The following UGT2A1 variants were observed in gnomAD, a reference collection of about 807,000 sequenced individuals.
UGT2A1 encodes UDP-glucuronosyltransferase 2A1.
Under a neutral mutation model 45.4 loss-of-function variants are expected in UGT2A1, and 61 were observed. The ratio of observed to expected loss-of-function variants is 1.34; its 90% CI spans 1.09 to 1.66. The LOEUF is 1.66. Among genes scored for constraint, UGT2A1 ranks in the 40% most tolerant of loss-of-function variants. The probability of loss-of-function intolerance (pLI) is 0.00; values close to 1 mark genes in which losing one functional copy is unlikely to be tolerated. For missense variants in UGT2A1, 649 were observed against 574.3 expected (o/e 1.13, Z -1.33); for synonymous variants, 229 against 196.2 (o/e 1.17, Z -1.40).
At chr4:69,637,365 A>C (rs1472727699) in intron 2 of UGT2A1, among the ~76,000 whole-genome samples, 1 of 152,158 alleles carries the variant, frequency 6.6e-6, no homozygotes, top group African/African-American at 2.4e-5. Flanking sequence ...AAATTATTGC[A>C]AGAGTTTTGC....
intron 2 of UGT2A1, among the ~76,000 whole-genome samples, chr4:69,638,011 G>A (rs1721816169): frequency 6.7e-6 from 1 of 148,546 alleles, no homozygotes; most frequent in Non-Finnish European, 1.5e-5. Flanking sequence ...AAGGAAGGAA[G>A]GAAGGAAGGA....
At chr4:69,604,889 C>T (rs1420320879) in intron 3 of UGT2A1, among the ~76,000 whole-genome samples, 1 of 136,722 alleles carries the variant, frequency 7.3e-6, no homozygotes, top group East Asian at 2.1e-4. Context: ...AATATATATG[C>T]ACCCAATACA....
chr4:69,629,931 TATC>T (rs1721293117), intron 3 of UGT2A1, among the ~76,000 whole-genome samples: 2 of 152,078 alleles, frequency 1.3e-5, no homozygotes. Flanking sequence ...AAATGTATAT[TATC>T]ATTGCAATAG....
intron 3 of UGT2A1, among the ~76,000 whole-genome samples, chr4:69,614,327 G>GA (rs1720244326): frequency 6.6e-6 from 1 of 151,806 alleles, no homozygotes; most frequent in African/African-American, 2.4e-5. Flanking sequence ...GAACAGGACA[G>GA]AAAAAAATGA....
chr4:69,628,725 G>T (rs992626950), intron 3 of UGT2A1, among the ~76,000 whole-genome samples: 2 of 146,616 alleles, frequency 1.4e-5, no homozygotes, highest in Non-Finnish European at 3.0e-5. Flanking sequence ...ATATATGAAT[G>T]ATCTAGAATG....
chr4:69,643,032 T>A (rs1048071166), intron 2 of UGT2A1, among the ~76,000 whole-genome samples: 5 of 151,528 alleles, frequency 3.3e-5, no homozygotes, highest in Non-Finnish European at 7.4e-5. Context: ...AGGTATACAT[T>A]CGAAACTGTG....
intron 3 of UGT2A1, among the ~76,000 whole-genome samples, chr4:69,633,912 A>G (rs924817977): frequency 6.6e-6 from 1 of 152,088 alleles, no homozygotes; most frequent in African/African-American, 2.4e-5. Context: ...AATGAGCTAT[A>G]AAGTTTAGGA....
chr4:69,632,346 A>G (rs190616677), intron 3 of UGT2A1, among the ~76,000 whole-genome samples: 1 of 152,254 alleles, frequency 6.6e-6, no homozygotes, highest in East Asian at 1.9e-4. Flanking sequence ...TTTTTTTTCC[A>G]CAAGTAGGGA....
chr4:69,636,859 A>C (rs1721738671), intron 2 of UGT2A1, among the ~76,000 whole-genome samples: 1 of 152,182 alleles, frequency 6.6e-6, no homozygotes, highest in Admixed American at 6.5e-5. Flanking sequence ...ATTTTAAAGA[A>C]GAGAAAGCAC....
chr4:69,605,904 C>T (rs962905004), intron 3 of UGT2A1, among the ~76,000 whole-genome samples: 1 of 136,804 alleles, frequency 7.3e-6, no homozygotes, highest in African/African-American at 3.0e-5. Context: ...AGACCAATAA[C>T]AGGCTCTGAA....
At chr4:69,624,239 C>T (rs1468867546) in intron 3 of UGT2A1, among the ~76,000 whole-genome samples, 1 of 151,382 alleles carries the variant, frequency 6.6e-6, no homozygotes, top group East Asian at 1.9e-4. Flanking sequence ...GACCTTTATT[C>T]TCATAATAAT....
intron 3 of UGT2A1, among the ~76,000 whole-genome samples, chr4:69,614,737 G>A (rs1178690681): frequency 6.6e-6 from 1 of 152,002 alleles, no homozygotes; most frequent in Non-Finnish European, 1.5e-5. Flanking sequence ...GACTCTTAAT[G>A]GTGCTGGGAA....
chr4:69,606,567 G>C (rs1350387381), intron 3 of UGT2A1, among the ~76,000 whole-genome samples: 2 of 136,048 alleles, frequency 1.5e-5, no homozygotes, highest in Non-Finnish European at 3.1e-5. Flanking sequence ...TGGAAGTTCT[G>C]GCCAGTGCAA....
rs1286687987 is a variant in UGT2A1, at chr4:69,605,569, G to A, written c.848-6175C>T. Among the ~76,000 whole-genome samples, 8 of 136,066 alleles carry A rather than the reference G, an allele frequency of 5.9e-5. 1 individual carries two copies. The highest frequency in any genetic ancestry group is 1.2e-4 in the Non-Finnish European group (8 of 64,152). 89.3% of individuals were successfully genotyped at this position (136,066 alleles called of 152,430 possible). A position where few individuals can be genotyped will look rare whatever the true frequency, so the allele number is the denominator to read the frequency against. On this transcript the variant is annotated intron_variant, in intron 3 of 6. Transcript: ENST00000286604. ...CTAGCAGAAGGCAAGAAAAAACTAAGATCAGAGCAGAACTGAAGGAAATAG... is the reference window on the plus strand; with the variant it reads ...CTAGCAGAAGGCAAGAAAAAACTAAAATCAGAGCAGAACTGAAGGAAATAG...
At chr4:69,609,471 C>A (rs1360360630) in intron 3 of UGT2A1, among the ~76,000 whole-genome samples, 1 of 152,094 alleles carries the variant, frequency 6.6e-6, no homozygotes, top group African/African-American at 2.4e-5. Flanking sequence ...GCTGGGATTA[C>A]AGGTGTAGCA....
intron 3 of UGT2A1, among the ~76,000 whole-genome samples, chr4:69,603,321 T>C (rs1420235024): frequency 7.3e-6 from 1 of 136,692 alleles, no homozygotes; most frequent in East Asian, 2.1e-4. Context: ...ACCACTTATG[T>C]AATGAAATTC....
intron 4 of UGT2A1, among the ~76,000 whole-genome samples, chr4:69,595,558 G>GA (rs1281951541): frequency 2.0e-5 from 3 of 152,022 alleles, no homozygotes; most frequent in Non-Finnish European, 2.9e-5. Context: ...ACATGAAGGG[G>GA]AAAAATCATG....
chr4:69,591,590 C>G (rs1358018771), intron 6 of UGT2A1, among the ~76,000 whole-genome samples: 4 of 152,086 alleles, frequency 2.6e-5, no homozygotes, highest in Admixed American at 6.6e-5. Flanking sequence ...GAGAGGTATA[C>G]TAAGGCATAT....
chr4:69,620,352 C>A (rs763004877), intron 3 of UGT2A1, among the ~76,000 whole-genome samples: 9 of 133,700 alleles, frequency 6.7e-5, no homozygotes, highest in Admixed American at 3.6e-4. Flanking sequence ...AAGCAGAGAA[C>A]CAAATCAGGA....
Sources: gnomAD v4.1 joint callset for allele counts (sites outside exome capture counted in the v4.1 genomes callset) on GRCh38, gnomAD v4.1.1 for gene constraint, MANE v1.5 for transcripts, NCBI Gene and HGNC (gene_info 2026-07-23, HGNC 2026-07-21) for gene names.